IQSEC1: variants seen among roughly 807,000 people sequenced by gnomAD.
IQSEC1 encodes IQ motif and Sec7 domain ArfGEF 1.
Under a neutral mutation model 91.0 loss-of-function variants are expected in IQSEC1, and 31 were observed. That is an observed-to-expected ratio of 0.34 (90% CI 0.26 to 0.46). The LOEUF (loss-of-function observed/expected upper bound fraction) is 0.46. Ranked by LOEUF, IQSEC1 falls within the 20% of genes least tolerant of loss-of-function variation. The probability of loss-of-function intolerance (pLI) is 1.00; values close to 1 mark genes in which losing one functional copy is unlikely to be tolerated. For synonymous variants in IQSEC1, 699 were observed against 662.6 expected (o/e 1.05, Z -0.84); for missense variants, 1,388 against 1,575.6 (o/e 0.88, Z 2.02).
At chr3:13,190,173 C>T (rs1051033543) in intron 1 of IQSEC1, among the ~76,000 whole-genome samples, 3 of 152,224 alleles carry the variant, frequency 2.0e-5, no homozygotes, top group Admixed American at 2.0e-4. Flanking sequence ...ACCCTCCCCC[C>T]AACCCCAGAC....
At chr3:12,996,634 T>C (rs1702237074) in intron 1 of IQSEC1, among the ~76,000 whole-genome samples, 2 of 152,312 alleles carry the variant, frequency 1.3e-5, no homozygotes, top group South Asian at 4.1e-4. Flanking sequence ...AAATGTCTGC[T>C]GCAGCACATA....
chr3:13,173,912 G>C (rs535202784), intron 1 of IQSEC1, among the ~76,000 whole-genome samples: 2 of 152,356 alleles, frequency 1.3e-5, no homozygotes, highest in Non-Finnish European at 2.9e-5. Flanking sequence ...TGTGTGAACA[G>C]GGAGATTCTG....
intron 1 of IQSEC1, chr3:13,015,648 G>A: frequency 1.0e-6 from 1 of 985,276 alleles, no homozygotes; most frequent in Non-Finnish European, 1.2e-6. Flanking sequence ...GGCCCCGGGG[G>A]ATGAGCTGTG....
At position 13,043,543 on chromosome 3, in the gene IQSEC1, G is replaced by A. The variant is rs561901604; in HGVS notation, c.23+29449C>T. Among the ~76,000 whole-genome samples the A allele has an allele frequency of 6.6e-5, 10 of 152,314 alleles. No homozygotes were observed. In the East Asian group the frequency reaches 1.7e-3, roughly 26 times the overall value. On this transcript the variant is annotated intron_variant, in intron 1 of 13. Coordinates refer to ENST00000613206, the MANE Select transcript of IQSEC1 (RefSeq NM_001134382.3). ...CCACTCCAGCACCCCTCGTGTCTAA[G>A]CTATAGCAGCTCAGCCCCCTTCAGC...
At chr3:13,118,602 C>T (rs772101813) in intron 2 of IQSEC1, among the ~76,000 whole-genome samples, 26 of 152,220 alleles carry the variant, frequency 1.7e-4, no homozygotes, top group Non-Finnish European at 2.8e-4. Context: ...GGGTCCCTGG[C>T]GCTGTCAAAT....
chr3:13,220,063 G>A (rs989257626), intron 1 of IQSEC1, among the ~76,000 whole-genome samples: 19 of 152,354 alleles, frequency 1.2e-4, no homozygotes, highest in Admixed American at 3.3e-4. Flanking sequence ...CACCACCCCC[G>A]TCACAGGCTC....
At position 12,908,644 on chromosome 3, in the gene IQSEC1, G is replaced by T. The variant is rs1695248336; in HGVS notation, c.2579-119C>A. On this transcript the variant is annotated intron_variant, in intron 11 of 13. Coordinates refer to ENST00000613206, the MANE Select transcript of IQSEC1 (RefSeq NM_001134382.3). The surrounding 1 kb of genome is among the most constrained non-coding windows in gnomAD (Gnocchi z 4.9). ...GCCACCATCTGCTTGGAATGGGGAAGGGTTGTTTCTGGGAAAGAGGGTGTG... is the reference window on the plus strand; with the variant it reads ...GCCACCATCTGCTTGGAATGGGGAATGGTTGTTTCTGGGAAAGAGGGTGTG... 2 of 1,126,384 alleles carry T rather than the reference G, an allele frequency of 1.8e-6. No homozygotes were observed. Among genetic ancestry groups the T allele is most frequent in the Non-Finnish European group, 2.6e-6 (2 of 781,388 alleles). The allele number at this position is 1,126,384 out of a possible 1,614,324, so 69.8% of individuals were successfully genotyped here. A position where few individuals can be genotyped will look rare whatever the true frequency, so the allele number is the denominator to read the frequency against.
chr3:12,897,219 G>A lies in IQSEC1; in HGVS notation c.*3764C>T, dbSNP rs887656899. 1.3e-5 allele frequency: 2 copies of A among 152,214 alleles called. No homozygotes were observed. Among genetic ancestry groups the A allele is most frequent in the African/African-American group, 2.4e-5 (1 of 41,450 alleles). The allele number at this position is 152,214 out of a possible 1,614,324, so 9.4% of individuals were successfully genotyped here. On this transcript the variant is annotated 3_prime_UTR_variant, in exon 14 of 14. Coordinates refer to ENST00000613206, the MANE Select transcript of IQSEC1 (RefSeq NM_001134382.3). ...GACTTTTCAGAAAAAGTGAGAATCC[G>A]AGAGTTTCAAAGGATTTATTTGATT...
At chr3:13,261,816 T>C (rs1695394081) in intron 1 of IQSEC1, among the ~76,000 whole-genome samples, 1 of 152,194 alleles carries the variant, frequency 6.6e-6, no homozygotes, top group Non-Finnish European at 1.5e-5. Context: ...CACTCAATGC[T>C]ACAAGCCTTG....
intron 1 of IQSEC1, among the ~76,000 whole-genome samples, chr3:13,272,188 C>T (rs1365418138): frequency 9.2e-5 from 14 of 152,324 alleles, no homozygotes; most frequent in East Asian, 1.9e-4. Context: ...ATACCACAAC[C>T]TTCCCAACCA....
chr3:13,191,556 C>G (rs947378449), intron 1 of IQSEC1, among the ~76,000 whole-genome samples: 2 of 140,088 alleles, frequency 1.4e-5, no homozygotes, highest in Non-Finnish European at 3.0e-5. Flanking sequence ...AGGCTGGCCT[C>G]GAACTCCTGG....
chr3:13,134,893 G>A (rs1428622423), intron 2 of IQSEC1, among the ~76,000 whole-genome samples: 1 of 152,126 alleles, frequency 6.6e-6, no homozygotes, highest in African/African-American at 2.4e-5. Context: ...GAGAGACTGA[G>A]GCAGGCCCGG....
Position 12,911,696 on chromosome 3 carries a change from C to G in IQSEC1, c.2349G>C (p.Ser783=), listed in dbSNP as rs748976818. Residue 783 remains serine (S), a synonymous_variant, in exon 10 of 14, where the codon TCG becomes TCC. Transcript: ENST00000613206. The part of the protein sequence containing the change: ...VTKIFQKKKN[S]VTYSFRQSFS... Reference sequence around the variant, plus strand: ...AGGACTGTCGGAAGCTGTACGTCACCGAGTTCTTCTTCTTCTGGAAGATCT... The same window carrying G: ...AGGACTGTCGGAAGCTGTACGTCACGGAGTTCTTCTTCTTCTGGAAGATCT... 2 of 1,613,474 alleles carry G rather than the reference C, an allele frequency of 1.2e-6. No individual in the cohort carries two copies. Among genetic ancestry groups the G allele is most frequent in the Non-Finnish European group, 1.7e-6 (2 of 1,179,926 alleles).
chr3:12,948,898 G>T (rs1699357107), intron 1 of IQSEC1, among the ~76,000 whole-genome samples: 2 of 152,190 alleles, frequency 1.3e-5, no homozygotes, highest in Non-Finnish European at 2.9e-5. Context: ...TTCTTACGGA[G>T]AGGGCAAACA....
rs138253620 is a variant in IQSEC1 at position 12,991,392 on chromosome 3, A to G, written c.24-49527T>C. On this transcript the variant is annotated intron_variant, in intron 1 of 13. Transcript: ENST00000613206. Reference sequence around the variant, plus strand: ...CACAAGCAGGTTTGCATCTCACTGCATGGTGGTAATGAATGCTGATCTGAG... The same window carrying G: ...CACAAGCAGGTTTGCATCTCACTGCGTGGTGGTAATGAATGCTGATCTGAG... Among the ~76,000 whole-genome samples the G allele has an allele frequency of 1.7e-3, 253 of 152,308 alleles. 1 individual carries two copies. Among genetic ancestry groups the G allele is most frequent in the Non-Finnish European group, 2.9e-3 (197 of 68,022 alleles).
At chr3:12,933,339 C>T (rs1000094324) in intron 3 of IQSEC1, among the ~76,000 whole-genome samples, 2 of 152,214 alleles carry the variant, frequency 1.3e-5, no homozygotes, top group Admixed American at 1.3e-4. Context: ...AAGCAACTGG[C>T]CAAATAACCT....
chr3:12,957,058 C>T (rs953940620), intron 1 of IQSEC1, among the ~76,000 whole-genome samples: 4 of 152,216 alleles, frequency 2.6e-5, no homozygotes, highest in African/African-American at 9.6e-5. Context: ...AGAGGGACAT[C>T]AGGAGAAGTG....
chr3:12,979,308 C>T lies in IQSEC1; in HGVS notation c.24-37443G>A, dbSNP rs1701341536. ...CCTGTTATCAGCCCCATCCCTGAGG[C>T]CTGCTGTGTTTTGTTTACAACACAG... On this transcript the variant is annotated intron_variant, in intron 1 of 13. Transcript: ENST00000613206. The surrounding 1 kb of genome is among the most constrained non-coding windows in gnomAD (Gnocchi z 4.3). Among the ~76,000 whole-genome samples the T allele has an allele frequency of 6.6e-6, 1 of 152,196 alleles. No individual in the cohort carries two copies. Among genetic ancestry groups the T allele is most frequent in the African/African-American group, 2.4e-5 (1 of 41,428 alleles).
chr3:13,188,955 CACTT>C lies in IQSEC1; in HGVS notation c.273-24826_273-24823del, dbSNP rs146867722. Among the ~76,000 whole-genome samples the C allele has an allele frequency of 1.0e-2, 1,516 of 152,344 alleles. 19 individuals are homozygous for C. Among genetic ancestry groups the C allele is most frequent in the African/African-American group, 0.034 (1,430 of 41,572 alleles). On this transcript the variant is annotated intron_variant, in intron 1 of 15. Transcript: ENST00000648114. Reference sequence around the variant, plus strand: ...CATTTTTGTTGGGATTGTTTCCACTCACTTCAAGCCTGGGACCCACACCTGGCAG... The same window carrying C: ...CATTTTTGTTGGGATTGTTTCCACTCCAAGCCTGGGACCCACACCTGGCAG...
Sources: allele counts gnomAD v4.1 joint callset (sites outside exome capture counted in the v4.1 genomes callset), GRCh38; gene constraint gnomAD v4.1.1; non-coding constraint Gnocchi (gnomAD v3.1); transcripts MANE v1.5; gene names NCBI Gene and HGNC (gene_info 2026-07-23, HGNC 2026-07-21).